The following PLCB4 variants were observed in gnomAD, a reference collection of about 807,000 sequenced individuals.
The protein encoded by PLCB4 is phospholipase C beta 4, also known as 1-phosphatidylinositol 4,5-bisphosphate phosphodiesterase beta-4.
A neutral mutation model predicts 178.8 loss-of-function variants in PLCB4; 77 were observed. The ratio of observed to expected loss-of-function variants is 0.43; its 90% CI spans 0.36 to 0.52. The LOEUF (loss-of-function observed/expected upper bound fraction) is 0.52, where lower values mean the gene tolerates loss of function less well. PLCB4 is among the 20% of genes least tolerant of loss of function. The pLI is 0.00. For missense variants in PLCB4, 1,024 were observed against 1,453.4 expected (o/e 0.70, Z 4.80); for synonymous variants, 496 against 490.8 (o/e 1.01, Z -0.14).
At position 9,452,802 on chromosome 20, in the gene PLCB4, A is replaced by C. The variant is rs187988395; in HGVS notation, c.2881-545A>C. 3.5e-3 allele frequency among the ~76,000 whole-genome samples: 538 copies of C among 152,346 alleles called. 1 individual carries two copies. The highest frequency in any genetic ancestry group is 6.8e-3 in the Non-Finnish European group (461 of 68,036). ...TGAAAATATTAAGTGATGTAGATTC[A>C]AATTCAGCTGATGGTGACAAACACA... On this transcript the variant is annotated intron_variant, in intron 32 of 39. Coordinates refer to ENST00000378473, the MANE Select transcript of PLCB4 (RefSeq NM_001377142.1).
chr20:9,327,285 T>A (rs1039455329), intron 4 of PLCB4, among the ~76,000 whole-genome samples: 64 of 77,076 alleles, frequency 8.3e-4, no homozygotes, highest in East Asian at 3.4e-3. Context: ...CAAAAAAAAA[T>A]TTTTTTTTTT....
chr20:9,446,907 C>T (rs1200504293), intron 32 of PLCB4, among the ~76,000 whole-genome samples: 1 of 152,092 alleles, frequency 6.6e-6, no homozygotes, highest in Non-Finnish European at 1.5e-5. Flanking sequence ...CAAACAACAA[C>T]AACAACAACA....
In PLCB4 at chr20:9,321,183, G is replaced by A. The variant is rs151159995; in HGVS notation, c.84+13285G>A. 1.4e-4 allele frequency among the ~76,000 whole-genome samples: 21 copies of A among 152,284 alleles called. No individual in the cohort carries two copies. The East Asian group carries it at 4.1e-3, about 29-fold the overall frequency. On this transcript the variant is annotated intron_variant, in intron 4 of 39. Coordinates refer to ENST00000378473, the MANE Select transcript of PLCB4 (RefSeq NM_001377142.1). ...CATCTCTTTAAACCCTCAGGTGGTGGTGAGGGCTAAATGAGATTTTCCACA... is the reference window on the plus strand; with the variant it reads ...CATCTCTTTAAACCCTCAGGTGGTGATGAGGGCTAAATGAGATTTTCCACA...
chr20:9,113,487 G>T (rs1319717628), intron 2 of PLCB4, among the ~76,000 whole-genome samples: 1 of 152,142 alleles, frequency 6.6e-6, no homozygotes, highest in Non-Finnish European at 1.5e-5. Context: ...TATGTTATAG[G>T]TGGGAAAATC....
chr20:9,438,336 G>A (rs62193560), intron 30 of PLCB4, among the ~76,000 whole-genome samples: 32,336 of 150,514 alleles, frequency 0.21, 3,984 homozygotes, highest in East Asian at 0.37. Flanking sequence ...ACTGCAGTCC[G>A]GCCTGGGTGA....
chr20:9,420,574 C>A (rs2040562922), intron 26 of PLCB4, among the ~76,000 whole-genome samples: 2 of 152,150 alleles, frequency 1.3e-5, no homozygotes, highest in Non-Finnish European at 2.9e-5. Flanking sequence ...GGTGATCTAC[C>A]TGCCTCAGCC....
At chr20:9,140,332 G>A (rs73895593) in intron 2 of PLCB4, among the ~76,000 whole-genome samples, 6,759 of 152,044 alleles carry the variant, frequency 0.044, 521 homozygotes, top group African/African-American at 0.15. Flanking sequence ...ATACCAGTGT[G>A]GCTACTTGAT....
At chr20:9,235,161 T>C (rs759857788) in intron 3 of PLCB4, among the ~76,000 whole-genome samples, 2 of 152,132 alleles carry the variant, frequency 1.3e-5, no homozygotes, top group African/African-American at 2.4e-5. Flanking sequence ...CAGTGGAGTG[T>C]AGGCCTCAGA....
intron 2 of PLCB4, among the ~76,000 whole-genome samples, chr20:9,097,069 G>T (rs947969743): frequency 6.6e-6 from 1 of 151,804 alleles, no homozygotes; most frequent in Non-Finnish European, 1.5e-5. Flanking sequence ...GAAGTAGGTG[G>T]GTCTATAGGT....
chr20:9,275,862 CA>C lies in PLCB4; in HGVS notation c.-15-31934del, dbSNP rs1360158917. ...ACAATCCTTCTTTTTCCACAGATGA[CA>C]AAAGTAAGGATAGGAAACTTATTGA... On this transcript the variant is annotated intron_variant, in intron 3 of 39. Transcript: ENST00000378473. Among the ~76,000 whole-genome samples, 11 of 152,164 alleles carry C rather than the reference CA, an allele frequency of 7.2e-5. No homozygotes were observed. In the South Asian group the frequency reaches 2.3e-3, roughly 32 times the overall value.
chr20:9,393,823 T>A (rs868074213), intron 18 of PLCB4, 145 bp downstream of exon 18: 16 of 488,374 alleles, frequency 3.3e-5, no homozygotes, highest in Admixed American at 7.8e-5. Context: ...CAGAGCAAGA[T>A]TGCCACATTT....
intron 3 of PLCB4, among the ~76,000 whole-genome samples, chr20:9,246,501 C>A (rs182837431): frequency 1.3e-5 from 2 of 152,064 alleles, no homozygotes; most frequent in East Asian, 1.9e-4. Flanking sequence ...AATATTAGTT[C>A]TTTAATCCAA....
chr20:9,380,054 C>T lies in PLCB4; in HGVS notation c.745C>T (p.His249Tyr), dbSNP rs769984862. Residue 249 changes from histidine to tyrosine, a missense_variant and splice_region_variant, in exon 13 of 40, where the codon CAT becomes TAT. Physicochemically the swap from His to Tyr is moderately conservative, Grantham distance 83 (BLOSUM62 2). This residue lies in a region of PLCB4 where 225 missense variants were observed against 291.0 expected (regional missense o/e 0.77). Coordinates refer to ENST00000378473, the MANE Select transcript of PLCB4 (RefSeq NM_001377142.1). ...VDQLVSFLNE[H>Y]QRDPRLNEIL... ...AAATGGAGTTATTTTCTTATCATAG[C>T]ATCAACGAGATCCTCGATTGAATGA... The T allele has an allele frequency of 1.3e-5, 20 of 1,518,124 alleles. No individual in the cohort carries two copies. Among genetic ancestry groups the T allele is most frequent in the Non-Finnish European group, 1.7e-5 (19 of 1,099,294 alleles). 94.0% of individuals were successfully genotyped at this position (1,518,124 alleles called of 1,614,324 possible). A position where few individuals can be genotyped will look rare whatever the true frequency, so the allele number is the denominator to read the frequency against.
rs1193519890 is a variant in PLCB4 at position 9,480,727 on chromosome 20, G to A, written c.*1718G>A. On this transcript the variant is annotated 3_prime_UTR_variant, in exon 40 of 40. Transcript: ENST00000378473. ...TTAGTTTCCTTATCTGTAAAACAGT[G>A]GAGTTAGACTACATATCTTTTGGCA... 6.6e-6 allele frequency: 1 copy of A among 152,090 alleles called. No homozygotes were observed. The highest frequency in any genetic ancestry group is 1.5e-5 in the Non-Finnish European group (1 of 68,016). The allele number at this position is 152,090 out of a possible 1,614,324, so 9.4% of individuals were successfully genotyped here.
At chr20:9,445,669 G>A (rs927334534) in intron 32 of PLCB4, among the ~76,000 whole-genome samples, 2 of 152,162 alleles carry the variant, frequency 1.3e-5, no homozygotes, top group Admixed American at 6.5e-5. Flanking sequence ...CTGTTTCTAA[G>A]TTTCATGAAT....
At chr20:9,325,637 G>C in intron 4 of PLCB4, among the ~76,000 whole-genome samples, 1 of 152,014 alleles carries the variant, frequency 6.6e-6, no homozygotes, top group East Asian at 1.9e-4. Flanking sequence ...CACAAATCAA[G>C]TCCCAAAGAT....
chr20:9,154,026 C>G (rs916191831), intron 2 of PLCB4, among the ~76,000 whole-genome samples: 25 of 152,276 alleles, frequency 1.6e-4, no homozygotes, highest in African/African-American at 5.8e-4. Flanking sequence ...GCATGATATT[C>G]CAGTCAGATC....
intron 2 of PLCB4, among the ~76,000 whole-genome samples, chr20:9,163,920 A>G (rs1463835303): frequency 6.6e-6 from 1 of 152,220 alleles, no homozygotes; most frequent in Non-Finnish European, 1.5e-5. Flanking sequence ...CCTGCTTATT[A>G]GAAATCATAA....
intron 3 of PLCB4, among the ~76,000 whole-genome samples, chr20:9,304,159 T>G (rs2094737263): frequency 6.6e-6 from 1 of 151,788 alleles, no homozygotes. Context: ...TGGTTTGTAA[T>G]GCTCTCATCT....
Sources: allele counts gnomAD v4.1 joint callset (sites outside exome capture counted in the v4.1 genomes callset), GRCh38; gene constraint gnomAD v4.1.1; regional missense constraint gnomAD v4.1.1; transcripts MANE v1.5; gene names NCBI Gene and HGNC (gene_info 2026-07-23, HGNC 2026-07-21).